Variants in EML6 observed in about 807,000 individuals in gnomAD.
The protein encoded by EML6 is EMAP like 6.
In EML6, 154 loss-of-function variants were observed where a neutral mutation model predicts 240.1. That is an observed-to-expected ratio of 0.64 (90% CI 0.56 to 0.73). EML6 has a LOEUF of 0.73. Ranked by LOEUF, EML6 falls within the 30% of genes least tolerant of loss-of-function variation. The pLI is 0.00. For synonymous variants in EML6, 1,148 were observed against 899.0 expected, an observed-to-expected ratio of 1.28 and a Z score of -4.95; for missense variants, 2,964 against 2,474.6, an observed-to-expected ratio of 1.20 and a Z score of -4.20.
chr2:54,801,221 G>A (rs1247120930), intron 2 of EML6, among the ~76,000 whole-genome samples: 3 of 151,936 alleles, frequency 2.0e-5, no homozygotes, highest in Non-Finnish European at 4.4e-5. Flanking sequence ...TCGGGAGGCT[G>A]GGGCAGGAGA....
chr2:54,771,469 T>C (rs749423945), intron 2 of EML6, among the ~76,000 whole-genome samples: 1 of 152,260 alleles, frequency 6.6e-6, no homozygotes, highest in Non-Finnish European at 1.5e-5. Flanking sequence ...TCAACTGGTC[T>C]TCATCAGCTG....
chr2:54,850,336 T>G, intron 10 of EML6, 118 bp downstream of exon 10: 2 of 925,754 alleles, frequency 2.2e-6, no homozygotes, highest in Non-Finnish European at 3.2e-6. Flanking sequence ...TTCTGGTTTT[T>G]GCCGGAAAGC....
At chr2:54,923,621 TG>T (rs1417556554) in intron 26 of EML6, among the ~76,000 whole-genome samples, 1 of 152,188 alleles carries the variant, frequency 6.6e-6, no homozygotes, top group Non-Finnish European at 1.5e-5. Flanking sequence ...GTTCAAGATT[TG>T]CTTATGGTAT....
At chr2:54,954,315 G>GC (rs1558722454) in intron 32 of EML6, among the ~76,000 whole-genome samples, 159 bp downstream of exon 32, 1 of 152,192 alleles carries the variant, frequency 6.6e-6, no homozygotes, top group Non-Finnish European at 1.5e-5. Context: ...TGGTATAGCT[G>GC]CCCCACTGAT....
chr2:54,809,040 A>C (rs1670650046), intron 2 of EML6, among the ~76,000 whole-genome samples: 1 of 152,226 alleles, frequency 6.6e-6, no homozygotes, highest in Admixed American at 6.5e-5. Flanking sequence ...AAATGGAATA[A>C]ACTGAGTACC....
chr2:54,852,349 ATTTC>A (rs1252345812), intron 10 of EML6, among the ~76,000 whole-genome samples: 3 of 152,162 alleles, frequency 2.0e-5, no homozygotes, highest in African/African-American at 7.2e-5. Flanking sequence ...AGAAATATGT[ATTTC>A]TTTGTTTTCT....
chr2:54,833,077 G>C (rs1266770395), intron 7 of EML6, among the ~76,000 whole-genome samples: 2 of 152,242 alleles, frequency 1.3e-5, no homozygotes, highest in African/African-American at 4.8e-5. Flanking sequence ...TTTAGCAAGA[G>C]AATTAATCAT....
chr2:54,816,869 C>G lies in EML6; in HGVS notation c.440C>G (p.Thr147Ser), dbSNP rs1046660412. Residue 147 changes from threonine to serine, a missense_variant, in exon 4 of 42, where the codon ACC (threonine) becomes AGC (serine). Physicochemically the swap from Thr to Ser is moderately conservative, Grantham distance 58. Transcript: ENST00000356458. The stretch of plus-strand genomic sequence containing the variant: ...AAGGGAAAACTTCTGGCGTCAGCCA[C>G]CGGCCATTCTGACAGGGTAAGAACT... Reference protein sequence around the residue: ...WRKGKLLASATGHSDRIFDIS... With the variant: ...WRKGKLLASASGHSDRIFDIS... The G allele has an allele frequency of 5.8e-6, 9 of 1,550,996 alleles. No individual in the cohort carries two copies. Among genetic ancestry groups the G allele is most frequent in the Non-Finnish European group, 7.9e-6 (9 of 1,146,378 alleles).
At chr2:54,898,371 A>G (rs1303406940) in intron 21 of EML6, among the ~76,000 whole-genome samples, 1 of 152,178 alleles carries the variant, frequency 6.6e-6, no homozygotes, top group Non-Finnish European at 1.5e-5. Flanking sequence ...AAAGGGGCTC[A>G]GTCTATAGAA....
In EML6 at chr2:54,927,077, T is replaced by C. The variant is rs548928680; in HGVS notation, c.3676-1236T>C. Among the ~76,000 whole-genome samples, 4 of 152,334 alleles carry C rather than the reference T, an allele frequency of 2.6e-5. No individual in the cohort carries two copies. In the South Asian group the frequency reaches 6.2e-4, roughly 24 times the overall value. ...GTTTCCATGCTTTCTGGAACTCACA[T>C]GTTCAAATGGGTTTTTCTTGGAAAT... On this transcript the variant is annotated intron_variant, in intron 26 of 41. Coordinates refer to ENST00000356458, the MANE Select transcript of EML6 (RefSeq NM_001039753.4).
rs1029453188 is a variant in EML6 at position 54,724,517 on chromosome 2, C to A, written c.-513-32C>A. 6.6e-6 allele frequency: 1 copy of A among 152,130 alleles called. No individual in the cohort carries two copies. Among genetic ancestry groups the A allele is most frequent in the Admixed American group, 6.5e-5 (1 of 15,276 alleles). The allele number at this position is 152,130 out of a possible 1,614,324, so 9.4% of individuals were successfully genotyped here. A position where few individuals can be genotyped will look rare whatever the true frequency, so the allele number is the denominator to read the frequency against. The stretch of plus-strand genomic sequence containing the variant: ...GGTGACTTATGCGAAAAATCTGTTT[C>A]TTTCTTCCTCGCTCTCGCTTCCTGG... On this transcript the variant is annotated intron_variant, in intron 1 of 41. Coordinates refer to ENST00000356458, the MANE Select transcript of EML6 (RefSeq NM_001039753.4). This position sits in a 1 kb window ranked among gnomAD's most constrained non-coding sequence, Gnocchi z 5.2.
In EML6 at chr2:54,903,411, T is replaced by C. The variant is rs1673163354; in HGVS notation, c.3318T>C (p.Phe1106=). 2 of 1,551,748 alleles carry C rather than the reference T, an allele frequency of 1.3e-6. No individual in the cohort carries two copies. Among genetic ancestry groups the C allele is most frequent in the Admixed American group, 2.0e-5 (1 of 50,984 alleles). ...TTGCCGTGGCATCCCATGATAACTT[T>C]GTGGATATTTACAACGTACTTACAA... ...KYLAVASHDN[F]VDIYNVLTSK... is the part of the protein sequence containing the mutation. Residue 1106 remains phenylalanine (F), a synonymous_variant, in exon 24 of 42, where the codon TTT becomes TTC. Transcript: ENST00000356458.
At chr2:54,958,037 A>G (rs911900347) in intron 33 of EML6, 39 bp downstream of exon 33, 47 of 1,511,442 alleles carry the variant, frequency 3.1e-5, no homozygotes, top group Middle Eastern at 1.8e-4. Context: ...GGGGACCCAG[A>G]CCCCCTGGGC....
intron 2 of EML6, among the ~76,000 whole-genome samples, chr2:54,791,806 G>C (rs1341315961): frequency 7.9e-5 from 12 of 152,162 alleles, no homozygotes; most frequent in Admixed American, 7.9e-4. Context: ...ATACTACAAA[G>C]TAGCTGTGCT....
chr2:54,836,947 C>T (rs1369069016), intron 7 of EML6, among the ~76,000 whole-genome samples: 1 of 152,144 alleles, frequency 6.6e-6, no homozygotes, highest in Non-Finnish European at 1.5e-5. Context: ...AGCTCCTGTG[C>T]CCAGGATCCA....
At chr2:54,837,724 T>C (rs1468582627) in intron 7 of EML6, among the ~76,000 whole-genome samples, 1 of 152,182 alleles carries the variant, frequency 6.6e-6, no homozygotes, top group Non-Finnish European at 1.5e-5. Context: ...AGGTGGAGAA[T>C]GGCTTGAGCA....
chr2:54,732,863 T>G (rs980793524), intron 2 of EML6, among the ~76,000 whole-genome samples: 1 of 152,252 alleles, frequency 6.6e-6, no homozygotes, highest in Non-Finnish European at 1.5e-5. Flanking sequence ...ACATTGGATT[T>G]GTTTACTCCC....
chr2:54,877,318 A>G (rs1256407968), intron 16 of EML6, among the ~76,000 whole-genome samples: 1 of 152,070 alleles, frequency 6.6e-6, no homozygotes, highest in African/African-American at 2.4e-5. Flanking sequence ...AGTACATTCT[A>G]TTTCAATTTA....
In EML6 at chr2:54,822,899, A is replaced by G. The variant is rs374484370; in HGVS notation, c.525+2437A>G. 3.0e-4 allele frequency among the ~76,000 whole-genome samples: 45 copies of G among 152,342 alleles called. No individual in the cohort carries two copies. In the South Asian group the frequency reaches 8.9e-3, roughly 30 times the overall value. Reference sequence around the variant, plus strand: ...ACTACTCAAAAGTGTAACATATTCCATCAACACTTTAGGGCTTCATAAACA... The same window carrying G: ...ACTACTCAAAAGTGTAACATATTCCGTCAACACTTTAGGGCTTCATAAACA... On this transcript the variant is annotated intron_variant, in intron 5 of 41. Coordinates refer to ENST00000356458, the MANE Select transcript of EML6 (RefSeq NM_001039753.4).
Sources: allele counts gnomAD v4.1 joint callset (sites outside exome capture counted in the v4.1 genomes callset), GRCh38; gene constraint gnomAD v4.1.1; non-coding constraint Gnocchi (gnomAD v3.1); transcripts MANE v1.5; gene names NCBI Gene and HGNC (gene_info 2026-07-23, HGNC 2026-07-21).